The following POLN variants were observed in gnomAD, a reference collection of about 807,000 sequenced individuals.
POLN encodes DNA polymerase N.
Under a neutral mutation model 113.5 loss-of-function variants are expected in POLN, and 108 were observed. The ratio of observed to expected loss-of-function variants is 0.95; its 90% CI spans 0.81 to 1.12. POLN has a LOEUF of 1.12. Among genes scored for constraint, POLN ranks in the 50% most tolerant of loss-of-function variants. The pLI is 0.00. For missense variants in POLN, 1,097 were observed against 1,077.1 expected (o/e 1.02, Z -0.26); for synonymous variants, 386 against 391.5 (o/e 0.99, Z 0.17).
chr4:2,127,916 G>C lies in POLN; in HGVS notation c.1982+197C>G, dbSNP rs925712072. 6.6e-6 allele frequency among the ~76,000 whole-genome samples: 1 copy of C among 152,164 alleles called. No homozygotes were observed. Among genetic ancestry groups the C allele is most frequent in the Non-Finnish European group, 1.5e-5 (1 of 68,022 alleles). ...GAATGGACTTCTTTTTTTTAGTGGG[G>C]AAGAACCATCACTTCCTTCACAATT... On this transcript the variant is annotated intron_variant, in intron 19 of 25. Transcript: ENST00000511885. The surrounding 1 kb of genome is among the most constrained non-coding windows in gnomAD (Gnocchi z 4.7).
chr4:2,147,923 A>T (rs960399219), intron 16 of POLN, among the ~76,000 whole-genome samples: 3 of 152,044 alleles, frequency 2.0e-5, no homozygotes, highest in Admixed American at 1.3e-4. Context: ...GATTACAGGC[A>T]TGAGCCACCG....
chr4:2,080,305 G>A (rs1730375488), intron 23 of POLN: 2 of 997,470 alleles, frequency 2.0e-6, no homozygotes, highest in Non-Finnish European at 2.4e-6. Context: ...TGCCCTGGGG[G>A]AATAACTGAG....
intron 19 of POLN, among the ~76,000 whole-genome samples, chr4:2,099,390 G>C (rs1730871684): frequency 6.6e-6 from 1 of 152,210 alleles, no homozygotes; most frequent in Non-Finnish European, 1.5e-5. Context: ...AGTGTGAAGG[G>C]AACGGCCCTG....
intron 6 of POLN, among the ~76,000 whole-genome samples, 157 bp from the exon 7 acceptor site, chr4:2,193,473 G>A (rs35377256): frequency 0.041 from 6,222 of 152,150 alleles, 179 homozygotes; most frequent in Middle Eastern, 0.051. Flanking sequence ...TATCATCTGC[G>A]TTTTACAGAT....
chr4:2,134,378 G>A (rs1281498905), intron 16 of POLN, among the ~76,000 whole-genome samples: 1 of 152,132 alleles, frequency 6.6e-6, no homozygotes, highest in Non-Finnish European at 1.5e-5. Context: ...TGGATGCCTA[G>A]GTGTGTAATG....
chr4:2,217,855 T>C (rs1162354140), intron 3 of POLN, among the ~76,000 whole-genome samples: 1 of 152,218 alleles, frequency 6.6e-6, no homozygotes, highest in Non-Finnish European at 1.5e-5. Context: ...CTATGCAGTA[T>C]TCCCAATGTG....
chr4:2,134,628 C>T (rs1731807258), intron 16 of POLN, among the ~76,000 whole-genome samples: 1 of 152,106 alleles, frequency 6.6e-6, no homozygotes, highest in African/African-American at 2.4e-5. Flanking sequence ...ACGACTTCTC[C>T]TCATCCTTCA....
rs368768851 is a variant in POLN at position 2,241,525 on chromosome 4, C to G, written c.-18G>C. On this transcript the variant is annotated 5_prime_UTR_variant, in exon 2 of 26. Coordinates refer to ENST00000511885, the MANE Select transcript of POLN (RefSeq NM_181808.4). ...AAGATCAACTAAATATTTACCTCAA[C>G]GTCTCGCCGGGCAAGGCTCCACCTC... 3.0e-6 allele frequency: 3 copies of G among 985,882 alleles called. No individual in the cohort carries two copies. Among genetic ancestry groups the G allele is most frequent in the Non-Finnish European group, 3.6e-6 (3 of 830,224 alleles). 61.1% of individuals were successfully genotyped at this position (985,882 alleles called of 1,614,324 possible). A position where few individuals can be genotyped will look rare whatever the true frequency, so the allele number is the denominator to read the frequency against.
chr4:2,075,769 C>G (rs1382216315), intron 23 of POLN, among the ~76,000 whole-genome samples: 2 of 152,222 alleles, frequency 1.3e-5, no homozygotes, highest in Non-Finnish European at 2.9e-5. Flanking sequence ...CAGGACAGCT[C>G]TGGGGAGCTG....
At chr4:2,240,605 G>A in intron 2 of POLN, 1 of 1,613,004 alleles carries the variant, frequency 6.2e-7, no homozygotes, top group African/African-American at 1.3e-5. Flanking sequence ...GAATTTTTAG[G>A]TTCTTTAATT....
chr4:2,147,636 TTCTTTTC>T lies in POLN; in HGVS notation c.1731+9145_1731+9151del, dbSNP rs1309187791. Among the ~76,000 whole-genome samples the T allele has an allele frequency of 1.3e-4, 8 of 62,930 alleles. 1 individual carries two copies. Among genetic ancestry groups the T allele is most frequent in the Non-Finnish European group, 2.6e-4 (5 of 18,992 alleles). 41.3% of individuals were successfully genotyped at this position (62,930 alleles called of 152,430 possible). A position where few individuals can be genotyped will look rare whatever the true frequency, so the allele number is the denominator to read the frequency against. The stretch of plus-strand genomic sequence containing the variant: ...CAAGAGTAGATCAGACATCCAGTTT[TTCTTTTC>T]TTTTTTTTTTTTTTTTGAGACAAAG... On this transcript the variant is annotated intron_variant, in intron 16 of 25. Transcript: ENST00000511885.
intron 19 of POLN, among the ~76,000 whole-genome samples, chr4:2,114,453 A>T (rs905977674): frequency 6.6e-6 from 1 of 152,184 alleles, no homozygotes; most frequent in African/African-American, 2.4e-5. Context: ...GATTTTATAT[A>T]TCTGAAAATG....
At chr4:2,133,638 T>A (rs1255621150) in intron 16 of POLN, among the ~76,000 whole-genome samples, 2 of 152,246 alleles carry the variant, frequency 1.3e-5, no homozygotes, top group Non-Finnish European at 2.9e-5. Context: ...CCTGTACCCC[T>A]GTGGAAAACA....
At chr4:2,101,358 A>G (rs1577692576) in intron 19 of POLN, among the ~76,000 whole-genome samples, 1 of 152,238 alleles carries the variant, frequency 6.6e-6, no homozygotes, top group Non-Finnish European at 1.5e-5. Flanking sequence ...CTTTGAATAC[A>G]TTATCCAAGA....
intron 3 of POLN, among the ~76,000 whole-genome samples, chr4:2,221,368 GAA>G (rs1174477979): frequency 6.6e-6 from 1 of 152,160 alleles, no homozygotes; most frequent in African/African-American, 2.4e-5. Flanking sequence ...AAGCTAAAGG[GAA>G]AAGTCAAGGT....
At chr4:2,114,264 A>T (rs959501957) in intron 19 of POLN, among the ~76,000 whole-genome samples, 1 of 152,108 alleles carries the variant, frequency 6.6e-6, no homozygotes, top group Non-Finnish European at 1.5e-5. Context: ...ATAAAAATAT[A>T]TAAAATAAAC....
intron 3 of POLN, among the ~76,000 whole-genome samples, chr4:2,213,818 G>A (rs990647208): frequency 1.1e-4 from 17 of 152,108 alleles, no homozygotes; most frequent in Admixed American, 6.5e-5. Flanking sequence ...CAAATGAAAA[G>A]ACACAGCATT....
rs35011880 is a variant in POLN, at chr4:2,128,703, C to T, written c.1867+476G>A. Among the ~76,000 whole-genome samples, 655 of 152,216 alleles carry T rather than the reference C, an allele frequency of 4.3e-3. 2 individuals are homozygous for T. Among genetic ancestry groups the T allele is most frequent in the African/African-American group, 0.015 (614 of 41,534 alleles). Reference sequence around the variant, plus strand: ...GCCAAAGGTATCTGGGATTTAGATACGGTGATGTGACGGGACACTGCAAGA... The same window carrying T: ...GCCAAAGGTATCTGGGATTTAGATATGGTGATGTGACGGGACACTGCAAGA... On this transcript the variant is annotated intron_variant, in intron 18 of 25. Coordinates refer to ENST00000511885, the MANE Select transcript of POLN (RefSeq NM_181808.4).
chr4:2,150,143 G>C (rs949272169), intron 16 of POLN, among the ~76,000 whole-genome samples: 1 of 151,596 alleles, frequency 6.6e-6, no homozygotes, highest in African/African-American at 2.4e-5. Context: ...GTGGGAGAGA[G>C]ACACATACAC....
Sources: gnomAD v4.1 joint callset for allele counts (sites outside exome capture counted in the v4.1 genomes callset) on GRCh38, gnomAD v4.1.1 for gene constraint, Gnocchi (gnomAD v3.1) non-coding constraint, MANE v1.5 for transcripts, NCBI Gene and HGNC (gene_info 2026-07-23, HGNC 2026-07-21) for gene names.